The following KIF5B variants were observed in gnomAD, a reference collection of about 807,000 sequenced individuals.
The protein encoded by KIF5B is kinesin family member 5B, also known as kinesin-1 heavy chain.
A neutral mutation model predicts 132.8 loss-of-function variants in KIF5B; 49 were observed. That is an observed-to-expected ratio of 0.37 (90% confidence interval 0.29 to 0.47). The LOEUF is 0.47. Ranked by LOEUF, KIF5B falls within the 20% of genes least tolerant of loss-of-function variation. The probability of loss-of-function intolerance (pLI) is 1.00; values close to 1 mark genes in which losing one functional copy is unlikely to be tolerated. For missense variants in KIF5B, 780 were observed against 1,144.0 expected (o/e 0.68, Z 4.59); for synonymous variants, 355 against 369.4 (o/e 0.96, Z 0.45).
At chr10:32,046,686 G>A (rs1332058188) in intron 2 of KIF5B, among the ~76,000 whole-genome samples, 1 of 152,060 alleles carries the variant, frequency 6.6e-6, no homozygotes, top group African/African-American at 2.4e-5. Flanking sequence ...CCAAAGTGCT[G>A]GAATTACAGG....
rs576673712 is a variant in KIF5B, at chr10:32,018,904, T to C, written c.2307-342A>G. 7.2e-5 allele frequency among the ~76,000 whole-genome samples: 11 copies of C among 152,220 alleles called. No individual in the cohort carries two copies. In the East Asian group the frequency reaches 1.9e-3, roughly 27 times the overall value. ...AGAGACGGGGTCTCACTATATTGCC[T>C]AGGCTGATTCTCAAACACTGGGCTC... On this transcript the variant is annotated intron_variant, in intron 20 of 25. Transcript: ENST00000302418.
chr10:32,038,445 A>G (rs1347843285), intron 5 of KIF5B, among the ~76,000 whole-genome samples: 1 of 152,220 alleles, frequency 6.6e-6, no homozygotes, highest in Non-Finnish European at 1.5e-5. Context: ...CCCACATTTT[A>G]TAAACAAGAA....
chr10:32,021,213 A>G lies in KIF5B; in HGVS notation c.2094+13T>C, dbSNP rs1478971850. On this transcript the variant is annotated intron_variant, in intron 18 of 25. Coordinates refer to ENST00000302418, the MANE Select transcript of KIF5B (RefSeq NM_004521.3). The stretch of plus-strand genomic sequence containing the variant: ...ATTAATTAAAGCTGTTAGAAATGTG[A>G]CATCAAACTTGCCTTAACTTCATTT... The G allele has an allele frequency of 9.3e-6, 15 of 1,610,548 alleles. No individual in the cohort carries two copies. Among genetic ancestry groups the G allele is most frequent in the Non-Finnish European group, 1.2e-5 (14 of 1,177,016 alleles).
intron 15 of KIF5B, among the ~76,000 whole-genome samples, chr10:32,023,521 G>A (rs1841292634): frequency 6.6e-6 from 1 of 152,182 alleles, no homozygotes; most frequent in East Asian, 1.9e-4. Context: ...AAATAAAACT[G>A]TGCAGATGAC....
At chr10:32,033,537 G>A (rs985112227) in intron 12 of KIF5B, among the ~76,000 whole-genome samples, 4 of 152,104 alleles carry the variant, frequency 2.6e-5, no homozygotes, top group East Asian at 1.9e-4. Flanking sequence ...CCTGATCCAC[G>A]GAAAAACTGT....
intron 15 of KIF5B, among the ~76,000 whole-genome samples, chr10:32,026,305 G>T (rs1330432793): frequency 6.6e-6 from 1 of 151,782 alleles, no homozygotes; most frequent in Non-Finnish European, 1.5e-5. Context: ...AGGCGTGGTG[G>T]CACACGCCTG....
chr10:32,017,073 A>C, intron 24 of KIF5B, 70 bp downstream of exon 24: 1 of 1,285,360 alleles, frequency 7.8e-7, no homozygotes, highest in South Asian at 1.2e-5. Context: ...TAAAATTCGG[A>C]TTACGTTTTC....
rs747949596 is a variant in KIF5B at position 32,048,569 on chromosome 10, G to A, written c.127-18C>T. 6.4e-7 allele frequency: 1 copy of A among 1,570,138 alleles called. No individual in the cohort carries two copies. Among genetic ancestry groups the A allele is most frequent in the Non-Finnish European group, 8.7e-7 (1 of 1,143,346 alleles). ...GGCTTGGACTGAAAAACAAAAAAGT[G>A]TTTCAACTATACAAATTAAAGGTAA... On this transcript the variant is annotated intron_variant, in intron 1 of 25. Transcript: ENST00000302418.
chr10:32,056,399 T>C lies in KIF5B; in HGVS notation c.-426A>G, dbSNP rs986828793. On this transcript the variant is annotated 5_prime_UTR_variant, in exon 1 of 26. Coordinates refer to ENST00000302418, the MANE Select transcript of KIF5B (RefSeq NM_004521.3). ...CGCTGGCCGGCCGACTGCTGCCCGA[T>C]CACTCCTGAGGCCGCCGTTGGGCGA... The C allele has an allele frequency of 9.1e-6, 2 of 220,934 alleles. No individual in the cohort carries two copies. The highest frequency in any genetic ancestry group is 1.0e-4 in the South Asian group (2 of 19,528). The allele number at this position is 220,934 out of a possible 1,614,324, so 13.7% of individuals were successfully genotyped here.
intron 25 of KIF5B, among the ~76,000 whole-genome samples, chr10:32,013,284 T>G (rs777906464): frequency 1.6e-4 from 24 of 152,214 alleles, no homozygotes; most frequent in Admixed American, 6.5e-4. Flanking sequence ...GAGTTATCTC[T>G]AATTATCATG....
chr10:32,031,636 G>C (rs932013624), intron 13 of KIF5B, among the ~76,000 whole-genome samples: 2 of 151,960 alleles, frequency 1.3e-5, no homozygotes, highest in African/African-American at 4.8e-5. Context: ...TTGGCTAGGA[G>C]AGATCGACTG....
At chr10:32,027,337 T>G (rs1841346057) in intron 15 of KIF5B, among the ~76,000 whole-genome samples, 1 of 152,170 alleles carries the variant, frequency 6.6e-6, no homozygotes, top group African/African-American at 2.4e-5. Context: ...TTGGTCTTAG[T>G]TTTTAAATCT....
At chr10:32,014,436 GA>G (rs35139104) in intron 25 of KIF5B, among the ~76,000 whole-genome samples, 1 of 151,182 alleles carries the variant, frequency 6.6e-6, no homozygotes, top group Non-Finnish European at 1.5e-5. Context: ...CAGGGGGCCG[GA>G]AAAAAAAGCA....
chr10:32,043,714 G>C (rs577304845), intron 2 of KIF5B, among the ~76,000 whole-genome samples: 2 of 152,164 alleles, frequency 1.3e-5, no homozygotes, highest in Non-Finnish European at 2.9e-5. Flanking sequence ...AGTAACAATT[G>C]TATCTAACAA....
At chr10:32,022,291 A>G (rs1039149439) in intron 16 of KIF5B, 34 bp from the exon 17 acceptor site, 4 of 973,812 alleles carry the variant, frequency 4.1e-6, no homozygotes, top group Non-Finnish European at 1.7e-6. Context: ...TGAAGTGGAA[A>G]ACATATGCAT....
chr10:32,027,613 CT>C (rs34452497), intron 15 of KIF5B, among the ~76,000 whole-genome samples: 31,220 of 134,818 alleles, frequency 0.23, 3,427 homozygotes, highest in Middle Eastern at 0.29. Flanking sequence ...CTGAGCTAAT[CT>C]TTTTTTTTTT....
intron 1 of KIF5B, among the ~76,000 whole-genome samples, chr10:32,051,880 G>A (rs1254760963): frequency 6.6e-6 from 1 of 152,106 alleles, no homozygotes; most frequent in African/African-American, 2.4e-5. Flanking sequence ...AAACTCATCT[G>A]GACATCTGTA....
chr10:32,019,928 G>A lies in KIF5B; in HGVS notation c.2236C>T (p.Arg746Cys), dbSNP rs756101109. 3.7e-6 allele frequency: 6 copies of A among 1,610,796 alleles called. No homozygotes were observed. The highest frequency in any genetic ancestry group is 1.1e-5 in the South Asian group (1 of 90,272). ...QNQKMMLEQE[R>C]LRVEHEKLKA... is the part of the protein sequence containing the mutation. ...AACTTCTCATGTTCTACTCTTAGAC[G>A]TTCCTGCTCTAACATCATTTTCTGG... is the stretch of plus-strand genomic sequence containing the variant. The change falls in exon 20 of 26, where the codon CGT becomes TGT. Residue 746 changes from arginine (R) to cysteine (C), a missense_variant. Coordinates refer to ENST00000302418, the MANE Select transcript of KIF5B (RefSeq NM_004521.3).
chr10:32,024,451 G>A (rs748437122), intron 15 of KIF5B, among the ~76,000 whole-genome samples: 13 of 149,768 alleles, frequency 8.7e-5, no homozygotes, highest in Non-Finnish European at 1.9e-4. Context: ...ACCGCGCCCG[G>A]CCGAAGAACT....
Sources: allele counts gnomAD v4.1 joint callset (sites outside exome capture counted in the v4.1 genomes callset), GRCh38; gene constraint gnomAD v4.1.1; transcripts MANE v1.5; gene names NCBI Gene and HGNC (gene_info 2026-07-23, HGNC 2026-07-21).